The following MALRD1 variants were observed in gnomAD, a reference collection of about 807,000 sequenced individuals.
MALRD1 encodes MAM and LDL-receptor class A domain-containing protein 1.
Under a neutral mutation model 242.1 loss-of-function variants are expected in MALRD1, and 247 were observed. That is an observed-to-expected ratio of 1.02 (90% CI 0.92 to 1.13). The LOEUF (loss-of-function observed/expected upper bound fraction) is 1.13. Among genes scored for constraint, MALRD1 ranks in the 50% most tolerant of loss-of-function variants. The pLI is 0.00. For synonymous variants in MALRD1, 995 were observed against 866.6 expected (o/e 1.15, Z -2.60); for missense variants, 2,989 against 2,533.1 (o/e 1.18, Z -3.86).
At position 19,323,850 on chromosome 10, in the gene MALRD1, A is replaced by G. The variant is rs563202200; in HGVS notation, c.3420-99A>G. ...GGTCTCGAACTCCTGACTGCAGGTG[A>G]TCCACCTGCCTCAGCCTCCCAAATT... On this transcript the variant is annotated intron_variant, in intron 21 of 39. Transcript: ENST00000454679. 165 of 1,052,598 alleles carry G rather than the reference A, an allele frequency of 1.6e-4. 1 individual carries two copies. The East Asian group carries it at 4.3e-3, about 27-fold the overall frequency. 65.2% of individuals were successfully genotyped at this position (1,052,598 alleles called of 1,614,324 possible).
chr10:19,297,976 G>A (rs1841782852), intron 21 of MALRD1, among the ~76,000 whole-genome samples: 1 of 151,974 alleles, frequency 6.6e-6, no homozygotes, highest in Non-Finnish European at 1.5e-5. Flanking sequence ...GTGTCTAAGA[G>A]CAACGGCTTG....
chr10:19,134,039 T>C (rs1322266298), intron 9 of MALRD1, 91 bp downstream of exon 9: 1 of 530,504 alleles, frequency 1.9e-6, no homozygotes, highest in Non-Finnish European at 2.8e-6. Context: ...AAAGTTAAAT[T>C]AGCAGTTAAG....
chr10:19,238,364 AAT>A (rs1422791981), intron 18 of MALRD1, among the ~76,000 whole-genome samples: 2 of 85,756 alleles, frequency 2.3e-5, no homozygotes, highest in African/African-American at 4.8e-5. Context: ...TATAATACAT[AAT>A]ATATATTATA....
At chr10:19,058,605 A>C (rs1834734076) in intron 1 of MALRD1, among the ~76,000 whole-genome samples, 1 of 152,294 alleles carries the variant, frequency 6.6e-6, no homozygotes, top group South Asian at 2.1e-4. Context: ...AAACATTGCA[A>C]GTAAAATGAA....
intron 2 of MALRD1, among the ~76,000 whole-genome samples, chr10:19,067,888 C>T (rs1835028133): frequency 6.6e-6 from 1 of 152,064 alleles, no homozygotes; most frequent in African/African-American, 2.4e-5. Context: ...GATGGAGTTT[C>T]TTAATTTGTT....
intron 14 of MALRD1, among the ~76,000 whole-genome samples, chr10:19,182,916 A>T (rs1835573075): frequency 6.6e-6 from 1 of 152,166 alleles, no homozygotes; most frequent in Non-Finnish European, 1.5e-5. Context: ...TTATTTCTTT[A>T]ATCACAGTAC....
chr10:19,343,702 T>C (rs1843984487), intron 24 of MALRD1, among the ~76,000 whole-genome samples: 1 of 152,128 alleles, frequency 6.6e-6, no homozygotes, highest in Non-Finnish European at 1.5e-5. Context: ...TTGTATTGCT[T>C]AGTCATGTTT....
At chr10:19,373,210 A>AAAAAAAAAT (rs1845462160) in intron 26 of MALRD1, among the ~76,000 whole-genome samples, 1 of 143,588 alleles carries the variant, frequency 7.0e-6, no homozygotes, top group African/African-American at 2.6e-5. Flanking sequence ...ATACAAAAAA[A>AAAAAAAAAT]AAAAAAAAAA....
intron 36 of MALRD1, among the ~76,000 whole-genome samples, chr10:19,687,455 C>A (rs1013598773): frequency 6.6e-6 from 1 of 152,178 alleles, no homozygotes; most frequent in African/African-American, 2.4e-5. Flanking sequence ...CTTCCCACAG[C>A]TGTGCCTAAA....
At chr10:19,152,741 A>G (rs192030769) in intron 11 of MALRD1, among the ~76,000 whole-genome samples, 1,936 of 151,800 alleles carry the variant, frequency 0.013, 26 homozygotes, top group Non-Finnish European at 0.02. Flanking sequence ...TTGGCTTTCT[A>G]TTTTTACAAT....
intron 36 of MALRD1, among the ~76,000 whole-genome samples, chr10:19,687,362 A>G (rs1589401129): frequency 6.6e-6 from 1 of 152,154 alleles, no homozygotes; most frequent in African/African-American, 2.4e-5. Flanking sequence ...TCATTGTGCT[A>G]TTCCTTTAAG....
chr10:19,690,590 T>G (rs951561762), intron 36 of MALRD1, among the ~76,000 whole-genome samples: 30 of 152,138 alleles, frequency 2.0e-4, no homozygotes, highest in African/African-American at 7.2e-4. Flanking sequence ...ATTTTCTATC[T>G]TTATTTTTTG....
At chr10:19,730,683 T>C (rs1835251967) in intron 38 of MALRD1, 23 bp from the exon 39 acceptor site, 3 of 1,535,438 alleles carry the variant, frequency 2.0e-6, no homozygotes, top group Non-Finnish European at 2.6e-6. Flanking sequence ...TTTTTTATTT[T>C]TGATGGCCCT....
chr10:19,327,833 A>G (rs754868967), intron 23 of MALRD1, among the ~76,000 whole-genome samples, 160 bp downstream of exon 23: 3 of 152,078 alleles, frequency 2.0e-5, no homozygotes, highest in Admixed American at 6.6e-5. Context: ...AGCATTTTAC[A>G]TAAGGGATTG....
At chr10:19,153,782 C>A (rs960788641) in intron 11 of MALRD1, among the ~76,000 whole-genome samples, 5 of 151,566 alleles carry the variant, frequency 3.3e-5, no homozygotes, top group Non-Finnish European at 7.4e-5. Context: ...TTTTCAGTTA[C>A]TTTTGTTGTC....
At chr10:19,671,144 T>C (rs973946667) in intron 36 of MALRD1, among the ~76,000 whole-genome samples, 1 of 152,042 alleles carries the variant, frequency 6.6e-6, no homozygotes, top group Non-Finnish European at 1.5e-5. Context: ...GCATAAAATG[T>C]CTAGTACACA....
In MALRD1 at chr10:19,184,334, G is replaced by T. The variant is rs979841076; in HGVS notation, c.1951+9006G>T. Among the ~76,000 whole-genome samples, 4 of 152,196 alleles carry T rather than the reference G, an allele frequency of 2.6e-5. No individual in the cohort carries two copies. In the East Asian group the frequency reaches 7.7e-4, roughly 29 times the overall value. ...GAGTGAGCTCCAGAGAGCAGAGCCA[G>T]TACCTAGGTGTCTTCCCATAGTTCC... On this transcript the variant is annotated intron_variant, in intron 14 of 39. Transcript: ENST00000454679.
intron 28 of MALRD1, among the ~76,000 whole-genome samples, chr10:19,431,577 T>C (rs1165471280): frequency 6.6e-6 from 1 of 152,238 alleles, no homozygotes; most frequent in Non-Finnish European, 1.5e-5. Flanking sequence ...ATTTTGCTTT[T>C]AGCACTCCTC....
chr10:19,066,371 G>T (rs1264248360), intron 1 of MALRD1, among the ~76,000 whole-genome samples: 2 of 152,184 alleles, frequency 1.3e-5, no homozygotes, highest in African/African-American at 4.8e-5. Context: ...CACAGGACAG[G>T]ATGTTATTGT....
Sources: allele counts gnomAD v4.1 joint callset (sites outside exome capture counted in the v4.1 genomes callset), GRCh38; gene constraint gnomAD v4.1.1; transcripts MANE v1.5; gene names NCBI Gene and HGNC (gene_info 2026-07-23, HGNC 2026-07-21).